The following AFF3 variants were observed in gnomAD, a reference collection of about 807,000 sequenced individuals.
AFF3 encodes the protein ALF transcription elongation factor 3, also known as AF4/FMR2 family member 3.
AFF3 carries 32 observed loss-of-function variants against 129.7 expected under a neutral mutation model. The observed-to-expected ratio is 0.25, with a 90% CI of 0.19 to 0.33. The LOEUF (loss-of-function observed/expected upper bound fraction) is 0.33. Ranked by LOEUF, AFF3 falls within the 10% of genes least tolerant of loss-of-function variation. The probability of loss-of-function intolerance (pLI) is 1.00; values close to 1 mark genes in which losing one functional copy is unlikely to be tolerated. For synonymous variants in AFF3, 644 were observed against 635.4 expected (o/e 1.01, Z -0.20); for missense variants, 1,373 against 1,592.0 (o/e 0.86, Z 2.34).
chr2:99,731,586 G>A (rs540741659), intron 10 of AFF3, among the ~76,000 whole-genome samples: 1 of 152,136 alleles, frequency 6.6e-6, no homozygotes, highest in South Asian at 2.1e-4. Context: ...ACTCTGTTCA[G>A]TAATTATTGA....
intron 8 of AFF3, among the ~76,000 whole-genome samples, chr2:99,816,011 A>G (rs977595807): frequency 6.8e-6 from 1 of 147,354 alleles, no homozygotes; most frequent in African/African-American, 2.5e-5. Flanking sequence ...ACCATTTGAT[A>G]TTATCCAATA....
Position 99,735,050 on chromosome 2 carries a change from A to T in AFF3, c.1040-7922T>A, listed in dbSNP as rs543077408. 2.0e-5 allele frequency among the ~76,000 whole-genome samples: 3 copies of T among 152,340 alleles called. No individual in the cohort carries two copies. In the South Asian group the frequency reaches 6.2e-4, roughly 32 times the overall value. ...TACTGGGCCAATTGTTAAAACGGCT[A>T]TAGGATTATTCAGGTTATATTTATA... On this transcript the variant is annotated intron_variant, in intron 10 of 24. Coordinates refer to ENST00000672756, the MANE Select transcript of AFF3 (RefSeq NM_001386135.1).
chr2:99,770,109 G>T (rs1344411453), intron 8 of AFF3, among the ~76,000 whole-genome samples: 1 of 152,212 alleles, frequency 6.6e-6, no homozygotes, highest in Non-Finnish European at 1.5e-5. Flanking sequence ...CAGAGATGCT[G>T]TCTAGGAGCC....
chr2:99,630,030 C>T, intron 13 of AFF3, among the ~76,000 whole-genome samples: 1 of 152,132 alleles, frequency 6.6e-6, no homozygotes. Context: ...CACTATAGAC[C>T]CCCTTCTGAG....
chr2:99,632,206 G>T (rs1683187275), intron 13 of AFF3, among the ~76,000 whole-genome samples: 1 of 151,636 alleles, frequency 6.6e-6, no homozygotes, highest in Non-Finnish European at 1.5e-5. Context: ...GTAGAGAAGG[G>T]GTTTCACCGT....
chr2:99,660,731 T>G (rs1054395114), intron 12 of AFF3, among the ~76,000 whole-genome samples: 1 of 152,226 alleles, frequency 6.6e-6, no homozygotes, highest in African/African-American at 2.4e-5. Context: ...TTTTCTAGCG[T>G]GCAGATGACC....
At chr2:99,557,383 G>A (rs986700092) in intron 22 of AFF3, among the ~76,000 whole-genome samples, 3 of 150,930 alleles carry the variant, frequency 2.0e-5, no homozygotes, top group African/African-American at 4.9e-5. Flanking sequence ...GGGTTCAAAC[G>A]ATTCTCGTGC....
At chr2:99,594,440 G>A (rs942580744) in intron 14 of AFF3, 151 bp from the exon 15 acceptor site, 51 of 1,172,942 alleles carry the variant, frequency 4.3e-5, no homozygotes, top group East Asian at 1.5e-4. Context: ...AGCATTAAGC[G>A]TGTGTGGCAG....
intron 4 of AFF3, among the ~76,000 whole-genome samples, chr2:100,095,892 C>T (rs947169202): frequency 3.3e-5 from 5 of 152,248 alleles, no homozygotes; most frequent in Admixed American, 3.3e-4. Flanking sequence ...CCGGTAACGG[C>T]GCAGAGAGAA....
At chr2:99,733,682 T>C (rs185350917) in intron 10 of AFF3, among the ~76,000 whole-genome samples, 19 of 152,276 alleles carry the variant, frequency 1.2e-4, no homozygotes, top group Non-Finnish European at 2.9e-5. Flanking sequence ...TAACCAGTTA[T>C]TATGGTACTT....
intron 9 of AFF3, among the ~76,000 whole-genome samples, chr2:99,746,963 AAAG>A (rs1407352293): frequency 6.6e-6 from 1 of 151,970 alleles, no homozygotes; most frequent in Non-Finnish European, 1.5e-5. Context: ...AAAAAAAAAA[AAAG>A]AAAGGAAAAA....
intron 1 of AFF3, among the ~76,000 whole-genome samples, chr2:100,136,657 A>G (rs1401736273): frequency 6.6e-6 from 1 of 152,184 alleles, no homozygotes; most frequent in East Asian, 1.9e-4. Context: ...TGTATCTGAC[A>G]AAACAAGTAG....
intron 11 of AFF3, among the ~76,000 whole-genome samples, chr2:99,692,079 G>A (rs923466512): frequency 6.6e-6 from 1 of 152,188 alleles, no homozygotes; most frequent in Non-Finnish European, 1.5e-5. Context: ...AGCTGGCAGC[G>A]GAGCCCGTGG....
In AFF3 at chr2:99,648,934, C is replaced by CTCTCTCTCTCTCTCTCTCTCTCTCTCTT. The variant is rs138353584; in HGVS notation, c.1184+691_1184+692insAAGAGAGAGAGAGAGAGAGAGAGAGAGA. 9.9e-4 allele frequency among the ~76,000 whole-genome samples: 118 copies of CTCTCTCTCTCTCTCTCTCTCTCTCTCTT among 119,364 alleles called. 1 individual carries two copies. The highest frequency in any genetic ancestry group is 2.2e-3 in the South Asian group (7 of 3,152). 78.3% of individuals were successfully genotyped at this position (119,364 alleles called of 152,430 possible). The stretch of plus-strand genomic sequence containing the variant: ...ACACACACACTCTCTCTCTCTCTCT[C>CTCTCTCTCTCTCTCTCTCTCTCTCTCTT]TCTCCAATCTTAGTAAGTGAAAAAA... On this transcript the variant is annotated intron_variant, in intron 13 of 24. Coordinates refer to ENST00000672756, the MANE Select transcript of AFF3 (RefSeq NM_001386135.1).
intron 4 of AFF3, among the ~76,000 whole-genome samples, chr2:100,082,757 C>A (rs1689129921): frequency 6.6e-6 from 1 of 152,108 alleles, no homozygotes; most frequent in Admixed American, 6.6e-5. Context: ...TTGAAAAGCC[C>A]TTGGGACATA....
At chr2:99,907,048 C>T (rs1330862993) in intron 7 of AFF3, among the ~76,000 whole-genome samples, 1 of 152,146 alleles carries the variant, frequency 6.6e-6, no homozygotes, top group Non-Finnish European at 1.5e-5. Context: ...ACATGCCAGG[C>T]AATTACTGAA....
At chr2:99,712,680 C>T (rs757131293) in intron 11 of AFF3, among the ~76,000 whole-genome samples, 9 of 152,274 alleles carry the variant, frequency 5.9e-5, no homozygotes, top group Middle Eastern at 3.4e-3. Context: ...ACAAAGGATA[C>T]GGTATAAAAT....
intron 7 of AFF3, among the ~76,000 whole-genome samples, chr2:99,934,764 C>T (rs1364421042): frequency 2.6e-5 from 4 of 152,106 alleles, no homozygotes; most frequent in African/African-American, 7.2e-5. Flanking sequence ...GTGCCTCTGT[C>T]GGGGAGAAGA....
intron 4 of AFF3, among the ~76,000 whole-genome samples, chr2:100,057,298 G>A (rs1198723781): frequency 7.9e-6 from 1 of 127,166 alleles, no homozygotes; most frequent in Non-Finnish European, 1.6e-5. Context: ...ACCAGCCTGG[G>A]CAACAGAGCA....
Sources: gnomAD v4.1 joint callset for allele counts (sites outside exome capture counted in the v4.1 genomes callset) on GRCh38, gnomAD v4.1.1 for gene constraint, MANE v1.5 for transcripts, NCBI Gene and HGNC (gene_info 2026-07-23, HGNC 2026-07-21) for gene names.